The following LHFPL3 variants were observed in gnomAD, a reference collection of about 807,000 sequenced individuals.
The protein encoded by LHFPL3 is LHFPL tetraspan subfamily member 3 protein.
LHFPL3 carries 5 observed loss-of-function variants against 19.3 expected under a neutral mutation model. That is an observed-to-expected ratio of 0.26 (90% confidence interval 0.14 to 0.54). The LOEUF (loss-of-function observed/expected upper bound fraction) is 0.54. LHFPL3 is among the 20% of genes least tolerant of loss of function. LHFPL3 has a pLI of 0.94. For synonymous variants in LHFPL3, 133 were observed against 126.2 expected (o/e 1.05, Z -0.36); for missense variants, 249 against 307.4 (o/e 0.81, Z 1.42).
At chr7:104,846,519 G>T (rs1173824723) in intron 2 of LHFPL3, among the ~76,000 whole-genome samples, 1 of 151,356 alleles carries the variant, frequency 6.6e-6, no homozygotes. Flanking sequence ...AGTCCTTAGA[G>T]ATGATAGAGC....
chr7:104,564,996 A>T (rs17138696), intron 1 of LHFPL3, among the ~76,000 whole-genome samples: 4 of 152,122 alleles, frequency 2.6e-5, no homozygotes, highest in African/African-American at 9.7e-5. Flanking sequence ...ATGTAAGCCA[A>T]AAGAAGTCAG....
At chr7:104,375,842 A>G (rs191988953) in intron 1 of LHFPL3, among the ~76,000 whole-genome samples, 130 of 152,338 alleles carry the variant, frequency 8.5e-4, no homozygotes, top group Non-Finnish European at 1.4e-3. Context: ...GTTCTCTAGC[A>G]TCATGTCTTT....
chr7:104,843,456 C>G (rs1017660979), intron 2 of LHFPL3, among the ~76,000 whole-genome samples: 3 of 152,212 alleles, frequency 2.0e-5, no homozygotes, highest in African/African-American at 7.2e-5. Context: ...CCCCAATGGA[C>G]TTTGATGTGT....
At chr7:104,535,029 A>G (rs990568623) in intron 1 of LHFPL3, among the ~76,000 whole-genome samples, 4 of 151,986 alleles carry the variant, frequency 2.6e-5, no homozygotes, top group Non-Finnish European at 5.9e-5. Flanking sequence ...TTTGCCAAGA[A>G]GCTGTAGGGA....
intron 1 of LHFPL3, among the ~76,000 whole-genome samples, chr7:104,499,362 G>T (rs570022417): frequency 1.3e-5 from 2 of 152,302 alleles, no homozygotes; most frequent in South Asian, 2.1e-4. Flanking sequence ...CATAAAGATT[G>T]TTTAATGTTA....
chr7:104,486,787 TGC>T (rs386716435), intron 1 of LHFPL3, among the ~76,000 whole-genome samples: 176 of 152,320 alleles, frequency 1.2e-3, no homozygotes, highest in African/African-American at 4.1e-3. Flanking sequence ...TTTCTTCCTT[TGC>T]TTTCTTTAAG....
chr7:104,474,365 G>C (rs1418358020), intron 1 of LHFPL3, among the ~76,000 whole-genome samples: 1 of 152,018 alleles, frequency 6.6e-6, no homozygotes, highest in Non-Finnish European at 1.5e-5. Context: ...GTGAATAAAA[G>C]GATTAAGAAA....
At chr7:104,543,317 G>A (rs1278847289) in intron 1 of LHFPL3, among the ~76,000 whole-genome samples, 1 of 152,050 alleles carries the variant, frequency 6.6e-6, no homozygotes, top group Admixed American at 6.5e-5. Flanking sequence ...CTGTTGGTGG[G>A]ACTGTAAACT....
At chr7:104,612,981 T>A (rs1437546842) in intron 1 of LHFPL3, among the ~76,000 whole-genome samples, 1 of 152,210 alleles carries the variant, frequency 6.6e-6, no homozygotes. Flanking sequence ...GTAATTCATT[T>A]GGAAACAAAT....
intron 2 of LHFPL3, among the ~76,000 whole-genome samples, chr7:104,775,523 A>AT (rs947371666): frequency 6.0e-5 from 9 of 151,006 alleles, no homozygotes; most frequent in Admixed American, 1.3e-4. Flanking sequence ...GTTTGTACAA[A>AT]TTTTTTTTTT....
chr7:104,347,318 A>G (rs1372901311), intron 1 of LHFPL3, among the ~76,000 whole-genome samples: 1 of 152,168 alleles, frequency 6.6e-6, no homozygotes. Flanking sequence ...TTTATTGAGT[A>G]AGGTCAGTCC....
chr7:104,649,236 A>G (rs554927745), intron 1 of LHFPL3, among the ~76,000 whole-genome samples: 1 of 152,200 alleles, frequency 6.6e-6, no homozygotes, highest in Non-Finnish European at 1.5e-5. Context: ...CACCTGAGGA[A>G]CTCACAGTCT....
intron 1 of LHFPL3, among the ~76,000 whole-genome samples, chr7:104,481,390 A>G (rs1233838910): frequency 6.6e-6 from 1 of 152,148 alleles, no homozygotes; most frequent in African/African-American, 2.4e-5. Flanking sequence ...GTGACATACA[A>G]GGCCCTTGGT....
chr7:104,747,730 C>T (rs899807597), intron 2 of LHFPL3, among the ~76,000 whole-genome samples: 8 of 152,150 alleles, frequency 5.3e-5, no homozygotes, highest in African/African-American at 9.7e-5. Context: ...TGCACACCCA[C>T]TAAGTGACAC....
At chr7:104,768,624 T>C (rs1319633230) in intron 2 of LHFPL3, 1 of 152,150 alleles carries the variant, frequency 6.6e-6, no homozygotes, top group Non-Finnish European at 1.5e-5. Context: ...GACTGGCAGT[T>C]TTCAGACAAT....
chr7:104,870,003 A>C (rs867183407), intron 2 of LHFPL3, among the ~76,000 whole-genome samples: 17 of 149,062 alleles, frequency 1.1e-4, no homozygotes, highest in Non-Finnish European at 3.0e-5. Flanking sequence ...AAAAAACCAA[A>C]CGCCGCATGT....
intron 1 of LHFPL3, among the ~76,000 whole-genome samples, chr7:104,701,409 T>C (rs1173392505): frequency 2.6e-5 from 4 of 152,240 alleles, no homozygotes; most frequent in Non-Finnish European, 5.9e-5. Flanking sequence ...CCTTAACACA[T>C]ATTTTGTATG....
chr7:104,454,212 A>C (rs1792498133), intron 1 of LHFPL3, among the ~76,000 whole-genome samples: 1 of 152,168 alleles, frequency 6.6e-6, no homozygotes, highest in African/African-American at 2.4e-5. Context: ...AGGCAGAGCA[A>C]AAGACTAGAA....
intron 1 of LHFPL3, among the ~76,000 whole-genome samples, chr7:104,352,714 A>G (rs1235072336): frequency 2.0e-5 from 3 of 152,254 alleles, no homozygotes; most frequent in Admixed American, 2.0e-4. Context: ...GCAGAGAACA[A>G]TAAGTCTGTT....
Sources: allele counts gnomAD v4.1 joint callset (sites outside exome capture counted in the v4.1 genomes callset), GRCh38; gene constraint gnomAD v4.1.1; transcripts MANE v1.5; gene names NCBI Gene and HGNC (gene_info 2026-07-23, HGNC 2026-07-21).